The following VPS13B variants were observed in gnomAD, a reference collection of about 807,000 sequenced individuals.
VPS13B encodes intermembrane lipid transfer protein VPS13B.
Under a neutral mutation model 426.4 loss-of-function variants are expected in VPS13B, and 285 were observed. The ratio of observed to expected loss-of-function variants is 0.67; its 90% confidence interval spans 0.61 to 0.74. VPS13B has a LOEUF of 0.74. VPS13B is among the 30% of genes least tolerant of loss of function. The pLI is 0.00. For missense variants in VPS13B, 4,537 were observed against 4,782.6 expected (o/e 0.95, Z 1.51); for synonymous variants, 1,676 against 1,676.4 (o/e 1.00, Z 0.01).
chr8:99,319,448 A>G (rs1476864439), intron 19 of VPS13B, among the ~76,000 whole-genome samples: 1 of 152,224 alleles, frequency 6.6e-6, no homozygotes, highest in East Asian at 1.9e-4. Context: ...GTCTAAATTC[A>G]AGTAATTATC....
chr8:99,196,782 A>G (rs1813960692), intron 17 of VPS13B, among the ~76,000 whole-genome samples: 1 of 152,118 alleles, frequency 6.6e-6, no homozygotes, highest in Admixed American at 6.6e-5. Context: ...AGTAGAGGCA[A>G]TTTAACTTCT....
chr8:99,232,442 G>A (rs1816383186), intron 17 of VPS13B, among the ~76,000 whole-genome samples: 1 of 151,874 alleles, frequency 6.6e-6, no homozygotes, highest in Non-Finnish European at 1.5e-5. Context: ...AGGTCACCTC[G>A]AAGCTCCTCT....
At chr8:99,851,424 G>A (rs1816289218) in intron 55 of VPS13B, among the ~76,000 whole-genome samples, 1 of 152,140 alleles carries the variant, frequency 6.6e-6, no homozygotes, top group African/African-American at 2.4e-5. Context: ...AAATGTTATG[G>A]TGCAGTAGAA....
chr8:99,764,306 C>T (rs929998529), intron 39 of VPS13B, among the ~76,000 whole-genome samples: 3 of 152,042 alleles, frequency 2.0e-5, no homozygotes, highest in African/African-American at 7.2e-5. Context: ...ACATCTGAGC[C>T]ACTCTTTTAT....
chr8:99,077,191 A>T (rs574205145), intron 3 of VPS13B, among the ~76,000 whole-genome samples: 256 of 147,918 alleles, frequency 1.7e-3, no homozygotes, highest in African/African-American at 3.9e-3. Flanking sequence ...TTTTTTTTTT[A>T]AAAGGAGTTT....
chr8:99,528,495 CTTACAA>C (rs1350871811), intron 30 of VPS13B, among the ~76,000 whole-genome samples: 3 of 152,120 alleles, frequency 2.0e-5, no homozygotes, highest in Non-Finnish European at 4.4e-5. Flanking sequence ...ACCACATTAT[CTTACAA>C]TTACATTGTA....
At position 99,415,774 on chromosome 8, in the gene VPS13B, C is replaced by G. The variant is rs180839594; in HGVS notation, c.3083-15763C>G. ...AGAACAGCAAAGATTGCTGCCTGTTCCTTCCTCTGGAAGCTTCATCCCAGA... is the reference window on the plus strand; with the variant it reads ...AGAACAGCAAAGATTGCTGCCTGTTGCTTCCTCTGGAAGCTTCATCCCAGA... On this transcript the variant is annotated intron_variant, in intron 21 of 61. Coordinates refer to ENST00000357162, the MANE Select transcript of VPS13B (RefSeq NM_152564.5). Among the ~76,000 whole-genome samples, 926 of 152,296 alleles carry G rather than the reference C, an allele frequency of 6.1e-3. 13 individuals carry two copies. The highest frequency in any genetic ancestry group is 0.021 in the African/African-American group (881 of 41,568).
chr8:99,520,816 C>G, intron 29 of VPS13B, 83 bp from the exon 30 acceptor site: 2 of 1,035,580 alleles, frequency 1.9e-6, no homozygotes, highest in Admixed American at 3.5e-5. Flanking sequence ...TGTCTCTATT[C>G]CATTCCCTCA....
At chr8:99,343,654 A>C (rs1199776086) in intron 19 of VPS13B, among the ~76,000 whole-genome samples, 1 of 152,228 alleles carries the variant, frequency 6.6e-6, no homozygotes, top group African/African-American at 2.4e-5. Flanking sequence ...ATAACAAACT[A>C]TCCGAAAAGG....
Position 99,453,889 on chromosome 8 carries a change from A to C in VPS13B, c.3445+11254A>C, listed in dbSNP as rs139690497. ...TACGTAATTGTCACCCAAAATCTGC[A>C]GTTTACTAGAGGACTCACTCTGGGT... is the stretch of plus-strand genomic sequence containing the variant. On this transcript the variant is annotated intron_variant, in intron 23 of 61. Coordinates refer to ENST00000357162, the MANE Select transcript of VPS13B (RefSeq NM_152564.5). Among the ~76,000 whole-genome samples the C allele has an allele frequency of 4.3e-4, 65 of 152,298 alleles. No individual in the cohort carries two copies. In the Middle Eastern group the frequency reaches 0.01, roughly 24 times the overall value.
intron 2 of VPS13B, among the ~76,000 whole-genome samples, chr8:99,021,145 A>G (rs894895120): frequency 2.2e-4 from 33 of 152,308 alleles, no homozygotes; most frequent in African/African-American, 7.7e-4. Context: ...TTTATTGTCT[A>G]TGGCTGCTTT....
At chr8:99,480,033 T>C (rs1819955619) in intron 24 of VPS13B, among the ~76,000 whole-genome samples, 1 of 152,214 alleles carries the variant, frequency 6.6e-6, no homozygotes, top group African/African-American at 2.4e-5. Context: ...TTACTCTACA[T>C]CCTTACTAAT....
chr8:99,263,436 A>G (rs988000925), intron 17 of VPS13B, among the ~76,000 whole-genome samples: 1 of 152,184 alleles, frequency 6.6e-6, no homozygotes, highest in Non-Finnish European at 1.5e-5. Context: ...TTTTCTTGCA[A>G]TTACGTAGTT....
At chr8:99,645,482 G>T (rs1563842017) in intron 34 of VPS13B, among the ~76,000 whole-genome samples, 4 of 152,116 alleles carry the variant, frequency 2.6e-5, no homozygotes, top group Non-Finnish European at 5.9e-5. Flanking sequence ...AGTGATCTTA[G>T]GCAGTTTACT....
chr8:99,126,370 G>A (rs1848185598), intron 8 of VPS13B, among the ~76,000 whole-genome samples: 1 of 152,162 alleles, frequency 6.6e-6, no homozygotes, highest in Non-Finnish European at 1.5e-5. Context: ...GGGACACTAA[G>A]GACCTACTAC....
chr8:99,115,069 A>G (rs897745411), intron 6 of VPS13B, among the ~76,000 whole-genome samples: 3 of 152,150 alleles, frequency 2.0e-5, no homozygotes, highest in African/African-American at 7.2e-5. Flanking sequence ...CTTATCTACA[A>G]TTTGGAAAAC....
intron 43 of VPS13B, among the ~76,000 whole-genome samples, chr8:99,791,468 T>C (rs1224275613): frequency 6.6e-6 from 1 of 152,122 alleles, no homozygotes; most frequent in East Asian, 1.9e-4. Context: ...AGCTCTTGGC[T>C]ACTGAATGAG....
intron 3 of VPS13B, among the ~76,000 whole-genome samples, chr8:99,081,267 A>G (rs1845438496): frequency 6.6e-6 from 1 of 152,090 alleles, no homozygotes; most frequent in East Asian, 1.9e-4. Flanking sequence ...GTCTTTCTCA[A>G]TCTGACTAAA....
At chr8:99,840,800 G>A (rs1009423172) in intron 54 of VPS13B, among the ~76,000 whole-genome samples, 82 of 152,178 alleles carry the variant, frequency 5.4e-4, no homozygotes, top group Non-Finnish European at 1.6e-4. Context: ...GCAGCAGGTA[G>A]TAATTTTCAG....
Sources: allele counts gnomAD v4.1 joint callset (sites outside exome capture counted in the v4.1 genomes callset), GRCh38; gene constraint gnomAD v4.1.1; transcripts MANE v1.5; gene names NCBI Gene and HGNC (gene_info 2026-07-23, HGNC 2026-07-21).